The following CHURC1 variants were observed in gnomAD, a reference collection of about 807,000 sequenced individuals.
CHURC1 encodes protein Churchill.
CHURC1 carries 12 observed loss-of-function variants against 15.4 expected under a neutral mutation model. The observed-to-expected ratio is 0.78, with a 90% CI of 0.50 to 1.27. CHURC1 has a LOEUF of 1.27. Among genes scored for constraint, CHURC1 ranks in the 50% most tolerant of loss-of-function variants. CHURC1 has a pLI of 0.00. For missense variants in CHURC1, 132 were observed against 137.8 expected, an observed-to-expected ratio of 0.96 and a Z score of 0.21; for synonymous variants, 42 against 47.5, an observed-to-expected ratio of 0.88 and a Z score of 0.48.
chr14:64,924,231 C>T (rs919242851), intron 2 of CHURC1, 105 bp downstream of exon 2: 28 of 1,305,244 alleles, frequency 2.1e-5, no homozygotes, highest in East Asian at 5.3e-5. Context: ...TATTGTATTG[C>T]GCACATAATT....
At chr14:64,922,824 C>T (rs1315643634) in intron 1 of CHURC1, among the ~76,000 whole-genome samples, 6 of 151,992 alleles carry the variant, frequency 3.9e-5, no homozygotes, top group Admixed American at 3.3e-4. Flanking sequence ...TAATCTCTTC[C>T]TCAATACATA....
intron 3 of CHURC1, among the ~76,000 whole-genome samples, chr14:64,931,769 A>G (rs1325872383): frequency 6.6e-6 from 1 of 152,202 alleles, no homozygotes; most frequent in African/African-American, 2.4e-5. Flanking sequence ...CTCCTTTCAA[A>G]AAATTGTTTC....
intron 1 of CHURC1, among the ~76,000 whole-genome samples, chr14:64,917,023 T>G (rs893626466): frequency 7.2e-5 from 11 of 152,224 alleles, no homozygotes; most frequent in African/African-American, 2.2e-4. Context: ...AAATGAATCT[T>G]ATGGCTGAAT....
intron 1 of CHURC1, among the ~76,000 whole-genome samples, chr14:64,921,383 A>G (rs1185642785): frequency 6.6e-6 from 1 of 152,196 alleles, no homozygotes; most frequent in Admixed American, 6.5e-5. Context: ...TCATTAGAAG[A>G]AACCATCAAA....
intron 3 of CHURC1, 93 bp from the exon 4 acceptor site, chr14:64,932,045 T>C (rs1436133632): frequency 1.4e-5 from 21 of 1,472,180 alleles, no homozygotes; most frequent in Non-Finnish European, 1.6e-5. Flanking sequence ...AGAATATTCA[T>C]GACAATTTGT....
intron 3 of CHURC1, among the ~76,000 whole-genome samples, chr14:64,926,993 A>G (rs1358786308): frequency 6.6e-6 from 1 of 152,140 alleles, no homozygotes; most frequent in Admixed American, 6.5e-5. Flanking sequence ...TGAGTTACTT[A>G]TTTTGTGTGA....
In CHURC1 at chr14:64,932,427, A is replaced by G. The variant is rs1885131880; in HGVS notation, c.*197A>G. 7.6e-7 allele frequency: 1 copy of G among 1,320,086 alleles called. No individual in the cohort carries two copies. Among genetic ancestry groups the G allele is most frequent in the Admixed American group, 3.3e-5 (1 of 30,322 alleles). The allele number at this position is 1,320,086 out of a possible 1,614,324, so 81.8% of individuals were successfully genotyped here. ...GCTGAGCTCTTCTGCTAAAGTTCAA[A>G]GTTCACATCAGTGTAGCCAGAGTGA... On this transcript the variant is annotated 3_prime_UTR_variant, in exon 4 of 4. Coordinates refer to ENST00000549115, the MANE Select transcript of CHURC1 (RefSeq NM_001386928.1).
At chr14:64,928,131 C>A (rs1233103718) in intron 3 of CHURC1, among the ~76,000 whole-genome samples, 1 of 152,112 alleles carries the variant, frequency 6.6e-6, no homozygotes, top group Non-Finnish European at 1.5e-5. Context: ...TTTATTTACC[C>A]CTCTCTAATG....
chr14:64,919,788 G>A (rs752438587), intron 1 of CHURC1, among the ~76,000 whole-genome samples: 2 of 152,038 alleles, frequency 1.3e-5, no homozygotes, highest in East Asian at 3.9e-4. Flanking sequence ...GGAGGCTGAA[G>A]TGAGACAATC....
chr14:64,922,698 A>G (rs1304938886), intron 1 of CHURC1, among the ~76,000 whole-genome samples: 1 of 152,100 alleles, frequency 6.6e-6, no homozygotes, highest in Non-Finnish European at 1.5e-5. Context: ...CCTATGATTT[A>G]ATAACTATGT....
In CHURC1 at chr14:64,933,309, C is replaced by T; in HGVS notation, c.*1079C>T. 1.1e-6 allele frequency: 1 copy of T among 936,206 alleles called. No homozygotes were observed. Among genetic ancestry groups the T allele is most frequent in the Non-Finnish European group, 1.3e-6 (1 of 784,812 alleles). The allele number at this position is 936,206 out of a possible 1,614,324, so 58.0% of individuals were successfully genotyped here. The stretch of plus-strand genomic sequence containing the variant: ...ATATACCACGAAAAGAAAAAAAGGT[C>T]ATTTGGTAGAAACTAGGGAAATCTG... On this transcript the variant is annotated 3_prime_UTR_variant, in exon 4 of 4. Coordinates refer to ENST00000549115, the MANE Select transcript of CHURC1 (RefSeq NM_001386928.1).
intron 1 of CHURC1, 95 bp from the exon 2 acceptor site, chr14:64,923,895 GT>G: frequency 8.7e-7 from 1 of 1,151,012 alleles, no homozygotes. Context: ...CCATTTTTTA[GT>G]TTTGTTTTGC....
Position 64,927,647 on chromosome 14 carries a change from G to C in CHURC1, c.246+1567G>C, listed in dbSNP as rs139691934. On this transcript the variant is annotated intron_variant, in intron 3 of 3. Transcript: ENST00000549115. ...AAGGTGGCTTGTAGTCACGATGCAA[G>C]AAACTATGAAATGGTGGTGAAAATG... 4.4e-3 allele frequency among the ~76,000 whole-genome samples: 664 copies of C among 149,796 alleles called. 8 individuals are homozygous for C. Among genetic ancestry groups the C allele is most frequent in the Non-Finnish European group, 7.3e-3 (491 of 67,592 alleles).
intron 3 of CHURC1, among the ~76,000 whole-genome samples, chr14:64,930,562 C>G (rs896555198): frequency 1.3e-5 from 2 of 152,182 alleles, no homozygotes; most frequent in Admixed American, 1.3e-4. Context: ...ATCAGTCTCA[C>G]TGATTTAATA....
At chr14:64,917,033 T>C (rs751808216) in intron 1 of CHURC1, among the ~76,000 whole-genome samples, 2 of 152,222 alleles carry the variant, frequency 1.3e-5, no homozygotes, top group Non-Finnish European at 2.9e-5. Context: ...TATGGCTGAA[T>C]GTTGAAATGG....
chr14:64,924,131 G>A lies in CHURC1; in HGVS notation c.175+5G>A, dbSNP rs1409913620. 1 of 1,600,246 alleles carries A rather than the reference G, an allele frequency of 6.2e-7. No individual in the cohort carries two copies. Among genetic ancestry groups the A allele is most frequent in the Admixed American group, 1.7e-5 (1 of 58,146 alleles). ...AAGAAATAGTTACCTATGATCGTAAGTAGACTTTATTTTTTAACCTGAGTG... is the reference window on the plus strand; with the variant it reads ...AAGAAATAGTTACCTATGATCGTAAATAGACTTTATTTTTTAACCTGAGTG... On this transcript the variant is annotated splice_donor_5th_base_variant and intron_variant, in intron 2 of 3. Coordinates refer to ENST00000549115, the MANE Select transcript of CHURC1 (RefSeq NM_001386928.1).
At chr14:64,919,552 T>C (rs973296363) in intron 1 of CHURC1, among the ~76,000 whole-genome samples, 2 of 152,210 alleles carry the variant, frequency 1.3e-5, no homozygotes, top group African/African-American at 4.8e-5. Flanking sequence ...TTAAAAAGTA[T>C]ACTTTTCAAT....
chr14:64,934,713 C>T lies in CHURC1; in HGVS notation c.*2483C>T. 1 of 985,384 alleles carries T rather than the reference C, an allele frequency of 1.0e-6. No homozygotes were observed. The highest frequency in any genetic ancestry group is 1.2e-6 in the Non-Finnish European group (1 of 829,908). The allele number at this position is 985,384 out of a possible 1,614,324, so 61.0% of individuals were successfully genotyped here. ...CATTACTTTAAATAGCAGCATTAAG[C>T]CCATTATAGCCTCTGAATTGTCCCT... On this transcript the variant is annotated 3_prime_UTR_variant, in exon 4 of 4. Transcript: ENST00000549115.
intron 3 of CHURC1, among the ~76,000 whole-genome samples, chr14:64,927,723 C>CT (rs1266950855): frequency 2.9e-5 from 3 of 104,812 alleles, no homozygotes; most frequent in Non-Finnish European, 4.0e-5. Flanking sequence ...CCCACCCCCC[C>CT]CCCCGCCGTC....
Sources: gnomAD v4.1 joint callset for allele counts (sites outside exome capture counted in the v4.1 genomes callset) on GRCh38, gnomAD v4.1.1 for gene constraint, MANE v1.5 for transcripts, NCBI Gene and HGNC (gene_info 2026-07-23, HGNC 2026-07-21) for gene names.